Variants in TEP1 observed in about 807,000 individuals in gnomAD.
TEP1 encodes the protein telomerase protein component 1.
A neutral mutation model predicts 306.3 loss-of-function variants in TEP1; 241 were observed. The observed-to-expected ratio is 0.79, with a 90% CI of 0.71 to 0.88. The LOEUF (loss-of-function observed/expected upper bound fraction) is 0.88, where lower values mean the gene tolerates loss of function less well. Among genes scored for constraint, TEP1 ranks in the 40% least tolerant of loss-of-function variants. The pLI is 0.00. For synonymous variants in TEP1, 1,289 were observed against 1,305.5 expected (o/e 0.99, Z 0.27); for missense variants, 3,051 against 3,276.1 (o/e 0.93, Z 1.68).
chr14:20,405,299 A>C, intron 4 of TEP1, 152 bp downstream of exon 4: 1 of 1,015,170 alleles, frequency 9.9e-7, no homozygotes, highest in Non-Finnish European at 1.4e-6. Context: ...ACTGAACCAC[A>C]GGGACTAGGC....
In TEP1 at chr14:20,407,869, T is replaced by C. The variant is rs1879307421; in HGVS notation, c.567+4A>G. On this transcript the variant is annotated splice_donor_region_variant and intron_variant, in intron 2 of 54. Coordinates refer to ENST00000262715, the MANE Select transcript of TEP1 (RefSeq NM_007110.5). ...GAGTCAAGATGAGTGCCTGGAGCTA[T>C]TACCAAAGTTGCTTCCTGAGCTGTC... is the stretch of plus-strand genomic sequence containing the variant. 1.3e-6 allele frequency: 2 copies of C among 1,584,528 alleles called. No homozygotes were observed.
At position 20,377,370 on chromosome 14, in the gene TEP1, A is replaced by T; in HGVS notation, c.5998T>A (p.Cys2000Ser). 1 of 1,614,182 alleles carries T rather than the reference A, an allele frequency of 6.2e-7. No individual in the cohort carries two copies. The highest frequency in any genetic ancestry group is 8.5e-7 in the Non-Finnish European group (1 of 1,180,018). The change falls in exon 41 of 55, where the codon TGC (cysteine) becomes AGC (serine). Residue 2000 changes from cysteine (C) to serine (S), a missense_variant. Around this residue, in one of 3 missense-constraint regions of TEP1, gnomAD observed 1,540 missense variants for 1,705.9 expected, o/e 0.90. Coordinates refer to ENST00000262715, the MANE Select transcript of TEP1 (RefSeq NM_007110.5). Reference sequence around the variant, plus strand: ...AGGAGCCAGAGGGACTGAAGGGAGCATTCCTTGAGTGCCCAGCCCTGCAAG... The same window carrying T: ...AGGAGCCAGAGGGACTGAAGGGAGCTTTCCTTGAGTGCCCAGCCCTGCAAG... ...GSLQGWALKE[C>S]SLQSLWLLSR...
rs765049221 is a variant in TEP1, at chr14:20,381,419, G to A, written c.4559-18C>T. The stretch of plus-strand genomic sequence containing the variant: ...GAGCTGAGCTGCATGAACAGATATT[G>A]AGAAAGGCTCAGCCCTGCATCATTC... On this transcript the variant is annotated intron_variant, in intron 31 of 54. Transcript: ENST00000262715. This position sits in a 1 kb window ranked among gnomAD's most constrained non-coding sequence, Gnocchi z 4.0. 2 of 1,613,804 alleles carry A rather than the reference G, an allele frequency of 1.2e-6. No individual in the cohort carries two copies. The highest frequency in any genetic ancestry group is 1.3e-5 in the African/African-American group (1 of 74,926).
chr14:20,378,002 C>T (rs1885295540), intron 39 of TEP1, 22 bp downstream of exon 39: 1 of 1,611,310 alleles, frequency 6.2e-7, no homozygotes, highest in African/African-American at 1.3e-5. Context: ...CACAACCCAC[C>T]ACCAGCCCTC....
chr14:20,397,513 A>T (rs1207835948), intron 9 of TEP1, among the ~76,000 whole-genome samples: 2 of 152,202 alleles, frequency 1.3e-5, no homozygotes, highest in Non-Finnish European at 2.9e-5. Context: ...TGTCTCCAAA[A>T]AAAAAATTAA....
At chr14:20,388,374 G>A (rs1331569553) in intron 17 of TEP1, among the ~76,000 whole-genome samples, 1 of 152,202 alleles carries the variant, frequency 6.6e-6, no homozygotes, top group Admixed American at 6.5e-5. Flanking sequence ...GTCTGGGCTT[G>A]AGCAGCTCTG....
chr14:20,371,641 A>G lies in TEP1; in HGVS notation c.7077-9T>C. 1.9e-6 allele frequency: 3 copies of G among 1,566,970 alleles called. No homozygotes were observed. Among genetic ancestry groups the G allele is most frequent in the Non-Finnish European group, 2.6e-6 (3 of 1,165,356 alleles). On this transcript the variant is annotated splice_polypyrimidine_tract_variant and intron_variant, in intron 49 of 54. Transcript: ENST00000262715. ...TTCGGTTCAGGTGAAGACTAGCTCA[A>G]AAAAGTACATGGACAGAGAAAGATC...
chr14:20,384,913 T>A, intron 21 of TEP1, 72 bp downstream of exon 21: 1 of 1,605,712 alleles, frequency 6.2e-7, no homozygotes, highest in Non-Finnish European at 8.5e-7. Context: ...ATACTCTGAA[T>A]ACTGAGGAGA....
intron 47 of TEP1, 40 bp downstream of exon 47, chr14:20,373,230 T>C (rs902727567): frequency 1.6e-5 from 26 of 1,612,320 alleles, no homozygotes; most frequent in Non-Finnish European, 2.1e-5. Context: ...CCTTTTTTTG[T>C]GCCAGTAACA....
chr14:20,397,479 A>G (rs1261316262), intron 9 of TEP1, among the ~76,000 whole-genome samples: 1 of 152,180 alleles, frequency 6.6e-6, no homozygotes, highest in African/African-American at 2.4e-5. Context: ...ACTGCACTGC[A>G]GCCTGGGTGA....
intron 13 of TEP1, 135 bp downstream of exon 13, chr14:20,391,464 T>G: frequency 9.1e-7 from 1 of 1,099,994 alleles, no homozygotes; most frequent in Non-Finnish European, 1.3e-6. Context: ...GGACTGATAC[T>G]TGGAAGCAAA....
intron 51 of TEP1, among the ~76,000 whole-genome samples, chr14:20,370,376 A>G (rs1024363915): frequency 6.6e-6 from 1 of 152,226 alleles, no homozygotes; most frequent in Non-Finnish European, 1.5e-5. Flanking sequence ...AAAGCTAAAA[A>G]TATTCTAATG....
In TEP1 at chr14:20,371,328, A is replaced by C. The variant is rs1427793034; in HGVS notation, c.7221-14T>G. 3.1e-6 allele frequency: 5 copies of C among 1,611,968 alleles called. No individual in the cohort carries two copies. Among genetic ancestry groups the C allele is most frequent in the Non-Finnish European group, 3.4e-6 (4 of 1,178,102 alleles). ...GTATAGCTGCTCCTGGTTTGTGAGAAAGGAATAGGTTGAGCTCAGGATTTA... is the reference window on the plus strand; with the variant it reads ...GTATAGCTGCTCCTGGTTTGTGAGACAGGAATAGGTTGAGCTCAGGATTTA... On this transcript the variant is annotated splice_polypyrimidine_tract_variant and intron_variant, in intron 50 of 54. Transcript: ENST00000262715.
rs773217634 is a variant in TEP1, at chr14:20,372,761, G to A, written c.7048C>T (p.Arg2350Trp). The change falls in exon 49 of 55, where the codon CGG becomes TGG. Residue 2350 changes from arginine (R) to tryptophan (W), a missense_variant. Coordinates refer to ENST00000262715, the MANE Select transcript of TEP1 (RefSeq NM_007110.5). ...AAATTTCCGGGTGCCGAACCCTTCC[G>A]CAGTTTCACTTGCCACTCGCTGATT... The part of the protein sequence containing the change: ...EKISEWQVKL[R>W]KGSAPGNLSL... The A allele has an allele frequency of 9.9e-6, 16 of 1,613,884 alleles. No homozygotes were observed. The highest frequency in any genetic ancestry group is 2.2e-5 in the East Asian group (1 of 44,900).
intron 51 of TEP1, among the ~76,000 whole-genome samples, chr14:20,370,002 C>T (rs970444409): frequency 6.6e-6 from 1 of 151,932 alleles, no homozygotes; most frequent in Non-Finnish European, 1.5e-5. Context: ...CAACCTCTGC[C>T]TCCTGGGTTC....
intron 51 of TEP1, 45 bp downstream of exon 51, chr14:20,371,173 T>C: frequency 6.4e-7 from 1 of 1,555,272 alleles, no homozygotes; most frequent in Non-Finnish European, 8.9e-7. Context: ...AAAACACTGG[T>C]CCTAGACGAA....
At position 20,372,800 on chromosome 14, in the gene TEP1, TGAG is replaced by T; in HGVS notation, c.7006_7008del (p.Leu2336del). ...CACTCGCTGATTTTCTCATCAGCACTGAGGACAAAAAAGGTGTGTGCCGAGGAC... is the reference window on the plus strand; with the variant it reads ...CACTCGCTGATTTTCTCATCAGCACTGACAAAAAAGGTGTGTGCCGAGGAC... On this transcript the variant is annotated inframe_deletion, in exon 49 of 55. Coordinates refer to ENST00000262715, the MANE Select transcript of TEP1 (RefSeq NM_007110.5). 6.2e-7 allele frequency: 1 copy of T among 1,614,156 alleles called. No homozygotes were observed. The highest frequency in any genetic ancestry group is 8.5e-7 in the Non-Finnish European group (1 of 1,180,024).
At chr14:20,385,792 G>A (rs1294935265) in intron 20 of TEP1, among the ~76,000 whole-genome samples, 1 of 152,210 alleles carries the variant, frequency 6.6e-6, no homozygotes, top group Non-Finnish European at 1.5e-5. Context: ...CACACAACTT[G>A]TAGATGACAG....
At position 20,369,438 on chromosome 14, in the gene TEP1, G is replaced by A; in HGVS notation, c.7562C>T (p.Pro2521Leu). Residue 2521 changes from proline (P) to leucine (L), a missense_variant, in exon 53 of 55, where the codon CCA becomes CTA. Pro to Leu is a moderately conservative substitution (Grantham distance 98, BLOSUM62 -3). This residue lies in a region of TEP1 where 1,540 missense variants were observed against 1,705.9 expected (regional missense o/e 0.90). Coordinates refer to ENST00000262715, the MANE Select transcript of TEP1 (RefSeq NM_007110.5). Reference sequence around the variant, plus strand: ...GGCATCAGATTCCCTGCAGGTAGATGGGTCTGTCCCTGGAGTTTGGGTTTC... The same window carrying A: ...GGCATCAGATTCCCTGCAGGTAGATAGGTCTGTCCCTGGAGTTTGGGTTTC... ...TPETQTPGTDPSTCRESDASM... is the reference protein window; with the variant it reads ...TPETQTPGTDLSTCRESDASM... 6.2e-7 allele frequency: 1 copy of A among 1,614,182 alleles called. No individual in the cohort carries two copies. The highest frequency in any genetic ancestry group is 8.5e-7 in the Non-Finnish European group (1 of 1,180,032).
Sources: allele counts gnomAD v4.1 joint callset (sites outside exome capture counted in the v4.1 genomes callset), GRCh38; gene constraint gnomAD v4.1.1; regional missense constraint gnomAD v4.1.1; non-coding constraint Gnocchi (gnomAD v3.1); transcripts MANE v1.5; gene names NCBI Gene and HGNC (gene_info 2026-07-23, HGNC 2026-07-21).